ASPM: variants seen among roughly 807,000 people sequenced by gnomAD.
ASPM encodes the protein abnormal spindle-like microcephaly-associated protein.
ASPM carries 256 observed loss-of-function variants against 366.4 expected under a neutral mutation model. That is an observed-to-expected ratio of 0.70 (90% CI 0.63 to 0.77). The LOEUF (loss-of-function observed/expected upper bound fraction) is 0.77. Ranked by LOEUF, ASPM falls within the 30% of genes least tolerant of loss-of-function variation. The pLI, the probability that ASPM is intolerant of heterozygous loss-of-function variation, is 0.00. For synonymous variants in ASPM, 1,414 were observed against 1,342.9 expected (o/e 1.05, Z -1.16); for missense variants, 4,146 against 4,090.4 (o/e 1.01, Z -0.37).
At chr1:197,088,127 C>CA in intron 26 of ASPM, 129 bp downstream of exon 26, 3 of 942,126 alleles carry the variant, frequency 3.2e-6, no homozygotes, top group Non-Finnish European at 4.9e-6. Context: ...TTTATCCGTG[C>CA]AAAAAGCAGG....
rs1571620124 is a variant in ASPM at position 197,129,401 on chromosome 1, G to A, written c.2630-84C>T. ...AAAATATGATAATAATAATAATAAG[G>A]TGTTAGTAAAACAAAAAGTGTAGGG... On this transcript the variant is annotated intron_variant, in intron 8 of 27. Transcript: ENST00000367409. 7 of 1,456,964 alleles carry A rather than the reference G, an allele frequency of 4.8e-6. No homozygotes were observed. The East Asian group carries it at 1.4e-4, about 30-fold the overall frequency. 90.3% of individuals were successfully genotyped at this position (1,456,964 alleles called of 1,614,324 possible). A position where few individuals can be genotyped will look rare whatever the true frequency, so the allele number is the denominator to read the frequency against.
chr1:197,117,387 C>A (rs549022642), intron 17 of ASPM, among the ~76,000 whole-genome samples: 63 of 151,932 alleles, frequency 4.1e-4, no homozygotes, highest in Admixed American at 9.2e-4. Flanking sequence ...CCTTTACATG[C>A]CAACTAAGTG....
At chr1:197,118,101 C>T (rs2125102586) in intron 16 of ASPM, 118 bp from the exon 17 acceptor site, 1 of 960,266 alleles carries the variant, frequency 1.0e-6, no homozygotes, top group Non-Finnish European at 1.6e-6. Context: ...TAAAACACCC[C>T]TACACTTCTT....
chr1:197,134,953 A>G, intron 5 of ASPM, 143 bp downstream of exon 5: 2 of 687,832 alleles, frequency 2.9e-6, no homozygotes, highest in Non-Finnish European at 4.9e-6. Context: ...AAAAATTCTT[A>G]CCTATACAAG....
At position 197,104,792 on chromosome 1, in the gene ASPM, TATAA is replaced by T. The variant is rs1657356171; in HGVS notation, c.4455_4458del (p.Tyr1486LeufsTer29). 6.3e-7 allele frequency: 1 copy of T among 1,585,560 alleles called. No individual in the cohort carries two copies. Among genetic ancestry groups the T allele is most frequent in the Non-Finnish European group, 8.6e-7 (1 of 1,169,446 alleles). On this transcript the variant is annotated frameshift_variant, in exon 18 of 28. Coordinates refer to ENST00000367409, the MANE Select transcript of ASPM (RefSeq NM_018136.5). LOFTEE classifies it high-confidence loss of function. ...TGAATGATAACAACACAAGATCTAA[TATAA>T]ATATATTTCCGTAATTCTTTATGCA... is the stretch of plus-strand genomic sequence containing the variant.
At position 197,088,424 on chromosome 1, in the gene ASPM, T is replaced by C; in HGVS notation, c.9993A>G (p.Lys3331=). Residue 3331 remains lysine, a synonymous_variant, in exon 26 of 28, where the codon AAA becomes AAG. Coordinates refer to ENST00000367409, the MANE Select transcript of ASPM (RefSeq NM_018136.5). ...CTACATCATAAACTGCTGAAGTAGTTTTCTCATACTTGAAGAGAACAGAAT... is the reference window on the plus strand; with the variant it reads ...CTACATCATAAACTGCTGAAGTAGTCTTCTCATACTTGAAGAGAACAGAAT... ...QVLLNVSKYE[K]TTSAVYDVEN... 2 of 1,597,396 alleles carry C rather than the reference T, an allele frequency of 1.3e-6. No individual in the cohort carries two copies. The highest frequency in any genetic ancestry group is 1.7e-6 in the Non-Finnish European group (2 of 1,166,964).
In ASPM at chr1:197,086,988, C is replaced by T; in HGVS notation, c.10162-16G>A. The T allele has an allele frequency of 1.9e-6, 3 of 1,598,244 alleles. No homozygotes were observed. Among genetic ancestry groups the T allele is most frequent in the Non-Finnish European group, 2.6e-6 (3 of 1,173,744 alleles). The stretch of plus-strand genomic sequence containing the variant: ...TTCGTACATCCTACAAAATAAAATG[C>T]ACAGTTACTAAAAAGTAATAAGAAT... On this transcript the variant is annotated splice_polypyrimidine_tract_variant and intron_variant, in intron 26 of 27. Coordinates refer to ENST00000367409, the MANE Select transcript of ASPM (RefSeq NM_018136.5).
chr1:197,088,377 A>G lies in ASPM; in HGVS notation c.10040T>C (p.Leu3347Ser). 6.2e-7 allele frequency: 1 copy of G among 1,611,476 alleles called. No homozygotes were observed. The highest frequency in any genetic ancestry group is 2.2e-5 in the East Asian group (1 of 44,782). ...YDVENCIDIL[L>S]ELLQIYREKP... ...TTCTCGGTATATCTGCAAAAGCTCC[A>G]ATAGTATATCTATACAATTTTCTAC... Residue 3347 changes from leucine to serine, a missense_variant, in exon 26 of 28, where the codon TTG (leucine) becomes TCG (serine). Leu to Ser is a moderately radical substitution (Grantham distance 145, BLOSUM62 -2). This residue lies in a region of ASPM where 3,624 missense variants were observed against 3,591.7 expected (regional missense o/e 1.01). Transcript: ENST00000367409.
chr1:197,092,513 C>T (rs979609809), intron 21 of ASPM, among the ~76,000 whole-genome samples: 3 of 151,940 alleles, frequency 2.0e-5, no homozygotes, highest in African/African-American at 7.2e-5. Flanking sequence ...TGCTGTTGGG[C>T]TTCAGACTTT....
In ASPM at chr1:197,102,779, T is replaced by A; in HGVS notation, c.6472A>T (p.Met2158Leu). 1 of 1,612,476 alleles carries A rather than the reference T, an allele frequency of 6.2e-7. No individual in the cohort carries two copies. The change falls in exon 18 of 28, where the codon ATG becomes TTG. Residue 2158 changes from methionine to leucine, a missense_variant. Coordinates refer to ENST00000367409, the MANE Select transcript of ASPM (RefSeq NM_018136.5). Reference sequence around the variant, plus strand: ...ATTGTCAGGTACTTTTCACGCTGCATTTTACCTTGATAATATGCTCTACAT... The same window carrying A: ...ATTGTCAGGTACTTTTCACGCTGCAATTTACCTTGATAATATGCTCTACAT... ...VRCRAYYQGK[M>L]QREKYLTILK...
intron 20 of ASPM, 42 bp downstream of exon 20, chr1:197,094,042 C>T: frequency 5.2e-6 from 6 of 1,161,168 alleles, no homozygotes; most frequent in East Asian, 2.5e-5. Flanking sequence ...TTTCTATTTC[C>T]TAAAGTAGTT....
Position 197,118,001 on chromosome 1 carries a change from G to A in ASPM, c.3871-18C>T. 1.2e-6 allele frequency: 2 copies of A among 1,604,734 alleles called. No individual in the cohort carries two copies. Among genetic ancestry groups the A allele is most frequent in the South Asian group, 2.2e-5 (2 of 90,900 alleles). ...TCTCTCTCCTAAAATAAAAAAGTCA[G>A]CAAATGTAAATTAAACACTCACTTA... On this transcript the variant is annotated intron_variant, in intron 16 of 27. Transcript: ENST00000367409.
chr1:197,146,177 CA>C lies in ASPM; in HGVS notation c.260del (p.Leu87ArgfsTer32). On this transcript the variant is annotated frameshift_variant, in exon 1 of 28. Transcript: ENST00000367409. LOFTEE classifies it high-confidence loss of function. ...VKISHFPAAD[L>X]GFSVSQRCFV... is the part of the protein sequence containing the mutation. ...AACAGCGCTGCGACACACTGAAGCC[CA>C]GGTCCGCGGCCGGGAAGTGGGAGAT... 1.2e-6 allele frequency: 2 copies of C among 1,613,892 alleles called. No homozygotes were observed. Among genetic ancestry groups the C allele is most frequent in the Non-Finnish European group, 1.7e-6 (2 of 1,179,960 alleles).
rs756067585 is a variant in ASPM at position 197,104,756 on chromosome 1, G to A, written c.4495C>T (p.Arg1499Trp). Reference protein sequence around the residue: ...SCVVIIQKRFRCFQAQKLYKR... With the variant: ...SCVVIIQKRFWCFQAQKLYKR... ...TATAACTTTTGGGCTTGAAAGCACC[G>A]AAATCTTTTCTGAATGATAACAACA... Residue 1499 changes from arginine (R) to tryptophan (W), a missense_variant, in exon 18 of 28, where the codon CGG (arginine) becomes TGG (tryptophan). Around this residue, in one of 3 missense-constraint regions of ASPM, gnomAD observed 3,624 missense variants for 3,591.7 expected, o/e 1.01. Coordinates refer to ENST00000367409, the MANE Select transcript of ASPM (RefSeq NM_018136.5). 24 of 1,600,168 alleles carry A rather than the reference G, an allele frequency of 1.5e-5. No individual in the cohort carries two copies. The highest frequency in any genetic ancestry group is 1.3e-4 in the East Asian group (6 of 44,716).
Position 197,089,987 on chromosome 1 carries a change from A to G in ASPM, c.9927T>C (p.Ser3309=). ...IFVLIRSCNR[S]IPCMEVIRYA... ...ATCTGATGACTTCCATACAAGGAAT[A>G]CTGCGATTACAACTTCGGATCAAAA... The change falls in exon 25 of 28, where the codon AGT becomes AGC. Residue 3309 remains serine (S), a synonymous_variant. Transcript: ENST00000367409. 6.2e-7 allele frequency: 1 copy of G among 1,613,468 alleles called. No homozygotes were observed. The highest frequency in any genetic ancestry group is 8.5e-7 in the Non-Finnish European group (1 of 1,179,570).
At chr1:197,108,262 G>A (rs1399423575) in intron 17 of ASPM, among the ~76,000 whole-genome samples, 2 of 151,818 alleles carry the variant, frequency 1.3e-5, no homozygotes. Flanking sequence ...GGCTAAACCT[G>A]TATTTAGAAG....
intron 10 of ASPM, among the ~76,000 whole-genome samples, chr1:197,126,133 TGTAAAAGCATAAAAA>T: frequency 6.6e-6 from 1 of 152,218 alleles, no homozygotes; most frequent in Middle Eastern, 3.4e-3. Context: ...CAGTAACTCC[TGTAAAAGCATAAAAA>T]TGGGCTTTCT....
intron 16 of ASPM, among the ~76,000 whole-genome samples, chr1:197,120,122 T>TCTTCAAAAAAACTTCTCTTAATC (rs1657861563): frequency 6.6e-6 from 1 of 152,048 alleles, no homozygotes; most frequent in Non-Finnish European, 1.5e-5. Context: ...TTCTCTTAAT[T>TCTTCAAAAAAACTTCTCTTAATC]CTTCAAAAAA....
chr1:197,100,061 T>A (rs1424318228), intron 18 of ASPM, among the ~76,000 whole-genome samples: 1 of 151,756 alleles, frequency 6.6e-6, no homozygotes, highest in African/African-American at 2.4e-5. Context: ...GGAACAAAGT[T>A]ACTCTATTTT....
Sources: allele counts gnomAD v4.1 joint callset (sites outside exome capture counted in the v4.1 genomes callset), GRCh38; gene constraint gnomAD v4.1.1; regional missense constraint gnomAD v4.1.1; transcripts MANE v1.5; gene names NCBI Gene and HGNC (gene_info 2026-07-23, HGNC 2026-07-21).